The following MBNL2 variants were observed in gnomAD, a reference collection of about 807,000 sequenced individuals.
The protein encoded by MBNL2 is muscleblind like splicing regulator 2, also known as muscleblind-like protein 2.
MBNL2 carries 17 observed loss-of-function variants against 41.9 expected under a neutral mutation model. The observed-to-expected ratio is 0.41, with a 90% confidence interval of 0.28 to 0.61. MBNL2 has a LOEUF of 0.61. MBNL2 is among the 20% of genes least tolerant of loss of function. The probability of loss-of-function intolerance (pLI) is 0.35; values close to 1 mark genes in which losing one functional copy is unlikely to be tolerated. For missense variants in MBNL2, 336 were observed against 505.6 expected (o/e 0.66, Z 3.22); for synonymous variants, 195 against 182.9 (o/e 1.07, Z -0.53).
the MBNL2 span, among the ~76,000 whole-genome samples, chr13:97,162,608 A>G: frequency 2.0e-5 from 3 of 152,294 alleles, no homozygotes; most frequent in South Asian, 4.1e-4. Context: ...ATAGATGTGT[A>G]TCTAGCGCTC....
intron 1 of MBNL2, among the ~76,000 whole-genome samples, chr13:97,226,209 G>A (rs1280181672): frequency 6.6e-6 from 1 of 152,172 alleles, no homozygotes; most frequent in Non-Finnish European, 1.5e-5. Flanking sequence ...AAAAACAGGT[G>A]TGAAAGGTAA....
the MBNL2 span, among the ~76,000 whole-genome samples, chr13:97,155,288 A>AT: frequency 2.6e-5 from 4 of 151,182 alleles, no homozygotes; most frequent in East Asian, 1.9e-4. Context: ...GTTTTAAATA[A>AT]TTTTTTTTAG....
At chr13:97,189,726 G>C in the MBNL2 span, among the ~76,000 whole-genome samples, 1 of 152,106 alleles carries the variant, frequency 6.6e-6, no homozygotes, top group African/African-American at 2.4e-5. Flanking sequence ...TACATGTTTT[G>C]GTCTTCTTGG....
intron 2 of MBNL2, among the ~76,000 whole-genome samples, chr13:97,317,602 C>T (rs571422878): frequency 2.6e-5 from 4 of 152,222 alleles, no homozygotes; most frequent in Non-Finnish European, 5.9e-5. Flanking sequence ...CCAGGTGCCT[C>T]ATTTGCAGAT....
At chr13:97,338,459 G>T (rs1384608960) in intron 3 of MBNL2, among the ~76,000 whole-genome samples, 1 of 152,058 alleles carries the variant, frequency 6.6e-6, no homozygotes, top group African/African-American at 2.4e-5. Context: ...CAGTGTTCTG[G>T]CACCATGTCT....
the MBNL2 span, among the ~76,000 whole-genome samples, chr13:97,150,761 G>A: frequency 1.3e-5 from 2 of 152,126 alleles, no homozygotes; most frequent in East Asian, 3.9e-4. Flanking sequence ...CTTGCCACTT[G>A]CCTTAGCTTC....
chr13:97,292,052 C>T (rs1304403386), intron 2 of MBNL2, among the ~76,000 whole-genome samples: 10 of 150,762 alleles, frequency 6.6e-5, no homozygotes, highest in Non-Finnish European at 1.5e-4. Context: ...TACAAAAAAA[C>T]TAGCCGGGTG....
chr13:97,192,977 G>A, the MBNL2 span, among the ~76,000 whole-genome samples: 2 of 152,114 alleles, frequency 1.3e-5, no homozygotes, highest in East Asian at 1.9e-4. Context: ...AGAGAGACCC[G>A]GCAGCTATTT....
chr13:97,252,322 G>T (rs1275405161), intron 1 of MBNL2, among the ~76,000 whole-genome samples: 1 of 152,046 alleles, frequency 6.6e-6, no homozygotes, highest in Admixed American at 6.6e-5. Flanking sequence ...TTCTTTTCAG[G>T]AATTTATGTT....
At chr13:97,161,585 C>T in the MBNL2 span, among the ~76,000 whole-genome samples, 1 of 152,168 alleles carries the variant, frequency 6.6e-6, no homozygotes, top group Non-Finnish European at 1.5e-5. Flanking sequence ...ATAATTAATA[C>T]TATAACTGTA....
chr13:97,373,162 GC>G (rs1311467944), intron 8 of MBNL2, among the ~76,000 whole-genome samples: 1 of 152,152 alleles, frequency 6.6e-6, no homozygotes, highest in Non-Finnish European at 1.5e-5. Context: ...AAGCAGCTGG[GC>G]CCCACGTATG....
chr13:97,193,091 T>A, the MBNL2 span, among the ~76,000 whole-genome samples: 6 of 152,326 alleles, frequency 3.9e-5, no homozygotes, highest in Admixed American at 1.3e-4. Flanking sequence ...AGAGCTGTTT[T>A]GAAAGAAGGC....
chr13:97,227,112 A>C (rs925621576), intron 1 of MBNL2, among the ~76,000 whole-genome samples: 1 of 151,152 alleles, frequency 6.6e-6, no homozygotes, highest in Non-Finnish European at 1.5e-5. Context: ...TTTTGGGTTT[A>C]TTTGTTGGTT....
chr13:97,157,555 T>C, the MBNL2 span, among the ~76,000 whole-genome samples: 12 of 139,382 alleles, frequency 8.6e-5, no homozygotes, highest in Admixed American at 7.3e-4. Context: ...TCTTATTATT[T>C]TGAAATATGT....
chr13:97,362,518 G>A (rs2063494188), intron 7 of MBNL2, among the ~76,000 whole-genome samples: 1 of 152,074 alleles, frequency 6.6e-6, no homozygotes, highest in African/African-American at 2.4e-5. Context: ...CAAAAATAGG[G>A]CAAATGTGTA....
At chr13:97,349,033 G>A (rs754866191) in intron 5 of MBNL2, among the ~76,000 whole-genome samples, 4 of 152,184 alleles carry the variant, frequency 2.6e-5, no homozygotes, top group African/African-American at 9.7e-5. Flanking sequence ...CACTGGCCTC[G>A]TCATCTAAAT....
intron 2 of MBNL2, among the ~76,000 whole-genome samples, chr13:97,329,667 A>ACACCC (rs1363107683): frequency 2.1e-4 from 32 of 151,878 alleles, no homozygotes; most frequent in East Asian, 5.9e-4. Context: ...CATGCAGCAC[A>ACACCC]CATACAACAT....
Position 97,374,063 on chromosome 13 carries a change from A to ATTTTTTTTTTTTTTTTTT in MBNL2, c.1048+8904_1048+8921dup, listed in dbSNP as rs61185219. The stretch of plus-strand genomic sequence containing the variant: ...CACCTCAAATCCCATCCTCCTTTGC[A>ATTTTTTTTTTTTTTTTTT]TTTTTTTTTTTTTTTTTTTTTTTTT... On this transcript the variant is annotated intron_variant, in intron 8 of 8. Transcript: ENST00000679496. Among the ~76,000 whole-genome samples, 38 of 63,108 alleles carry ATTTTTTTTTTTTTTTTTT rather than the reference A, an allele frequency of 6.0e-4. 6 individuals carry two copies. Among genetic ancestry groups the ATTTTTTTTTTTTTTTTTT allele is most frequent in the Non-Finnish European group, 1.0e-3 (33 of 32,508 alleles). The allele number at this position is 63,108 out of a possible 152,430, so 41.4% of individuals were successfully genotyped here.
chr13:97,217,724 TAATG>T (rs1324249227), upstream of MBNL2, among the ~76,000 whole-genome samples: 4 of 152,174 alleles, frequency 2.6e-5, no homozygotes, highest in African/African-American at 4.8e-5. Flanking sequence ...CTCTGGAAGA[TAATG>T]AGGAGACATG....
Sources: allele counts gnomAD v4.1 joint callset (sites outside exome capture counted in the v4.1 genomes callset), GRCh38; gene constraint gnomAD v4.1.1; transcripts MANE v1.5; gene names NCBI Gene and HGNC (gene_info 2026-07-23, HGNC 2026-07-21).